The following ARHGAP18 variants were observed in gnomAD, a reference collection of about 807,000 sequenced individuals.
ARHGAP18 encodes Rho GTPase activating protein 18.
In ARHGAP18, 67 loss-of-function variants were observed where a neutral mutation model predicts 86.2. That is an observed-to-expected ratio of 0.78 (90% CI 0.64 to 0.95). ARHGAP18 has a LOEUF of 0.95. Ranked by LOEUF, ARHGAP18 falls within the 40% of genes least tolerant of loss-of-function variation. The probability of loss-of-function intolerance (pLI) is 0.00; values close to 1 mark genes in which losing one functional copy is unlikely to be tolerated. For synonymous variants in ARHGAP18, 283 were observed against 280.4 expected (o/e 1.01, Z -0.09); for missense variants, 691 against 780.4 (o/e 0.89, Z 1.37).
At chr6:129,671,529 T>A (rs1020057181) in intron 1 of ARHGAP18, among the ~76,000 whole-genome samples, 1 of 151,688 alleles carries the variant, frequency 6.6e-6, no homozygotes, top group African/African-American at 2.4e-5. Flanking sequence ...CAAGACCTCA[T>A]CTCTATAAAA....
intron 12 of ARHGAP18, among the ~76,000 whole-genome samples, chr6:129,588,866 C>CA (rs1402293831): frequency 3.3e-5 from 5 of 152,256 alleles, no homozygotes; most frequent in Non-Finnish European, 7.3e-5. Flanking sequence ...TGTGTACCTA[C>CA]AGACTAAACA....
chr6:129,705,777 C>T (rs1774793150), intron 1 of ARHGAP18, among the ~76,000 whole-genome samples: 1 of 152,172 alleles, frequency 6.6e-6, no homozygotes, highest in Non-Finnish European at 1.5e-5. Context: ...TGACAGAGGT[C>T]ATCCCACTCA....
intron 3 of ARHGAP18, 116 bp downstream of exon 3, chr6:129,638,278 G>T: frequency 9.8e-7 from 1 of 1,023,982 alleles, no homozygotes; most frequent in Non-Finnish European, 1.5e-6. Context: ...TAGAGCTTTG[G>T]TGCCTGGCAT....
intron 7 of ARHGAP18, 52 bp downstream of exon 7, chr6:129,616,160 A>C (rs1789093773): frequency 7.4e-7 from 1 of 1,352,886 alleles, no homozygotes; most frequent in East Asian, 2.3e-5. Flanking sequence ...TACAAAAACC[A>C]CTATTAGCTT....
intron 12 of ARHGAP18, among the ~76,000 whole-genome samples, chr6:129,594,607 C>A (rs1279976166): frequency 6.6e-6 from 1 of 152,158 alleles, no homozygotes; most frequent in Non-Finnish European, 1.5e-5. Context: ...CTGTAGCCGA[C>A]TCACACAGGC....
chr6:129,688,172 C>A (rs1391031994), intron 1 of ARHGAP18, among the ~76,000 whole-genome samples: 1 of 152,202 alleles, frequency 6.6e-6, no homozygotes, highest in Non-Finnish European at 1.5e-5. Context: ...AGAGCCACGT[C>A]AGCATCCTTA....
At chr6:129,599,522 A>C (rs1788693200) in intron 11 of ARHGAP18, among the ~76,000 whole-genome samples, 166 bp from the exon 12 acceptor site, 1 of 152,196 alleles carries the variant, frequency 6.6e-6, no homozygotes, top group Non-Finnish European at 1.5e-5. Flanking sequence ...AAAAGAAAAT[A>C]CTTCATATTA....
chr6:129,622,916 A>T (rs965890053), intron 5 of ARHGAP18, among the ~76,000 whole-genome samples: 1 of 149,920 alleles, frequency 6.7e-6, no homozygotes. Context: ...AAGGAGAATC[A>T]CTTGAGCCCA....
intron 1 of ARHGAP18, among the ~76,000 whole-genome samples, chr6:129,650,183 C>G (rs1198307976): frequency 6.6e-6 from 1 of 151,888 alleles, no homozygotes; most frequent in Non-Finnish European, 1.5e-5. Flanking sequence ...CTAGGCCTCC[C>G]AAAGTGCTGA....
At chr6:129,652,094 AC>A (rs1773725956) in intron 1 of ARHGAP18, among the ~76,000 whole-genome samples, 1 of 152,192 alleles carries the variant, frequency 6.6e-6, no homozygotes, top group Non-Finnish European at 1.5e-5. Flanking sequence ...TTTATAGGCC[AC>A]CTAGTTGATG....
chr6:129,605,999 T>C, intron 9 of ARHGAP18, 40 bp from the exon 10 acceptor site: 1 of 1,571,820 alleles, frequency 6.4e-7, no homozygotes, highest in Non-Finnish European at 8.7e-7. Flanking sequence ...TTTTCTTCAG[T>C]GAACATTTTC....
In ARHGAP18 at chr6:129,638,243, A is replaced by G; in HGVS notation, c.552+151T>C. 4.0e-6 allele frequency: 3 copies of G among 750,938 alleles called. No individual in the cohort carries two copies. The South Asian group carries it at 5.4e-5, about 13-fold the overall frequency. 46.5% of individuals were successfully genotyped at this position (750,938 alleles called of 1,614,324 possible). On this transcript the variant is annotated intron_variant, in intron 3 of 14. Transcript: ENST00000368149. ...TATAACTTCCAGAAAGGCAGGAAGCAAGTCTCTCTTGTTTCCTGCAAGCAT... is the reference window on the plus strand; with the variant it reads ...TATAACTTCCAGAAAGGCAGGAAGCGAGTCTCTCTTGTTTCCTGCAAGCAT...
In ARHGAP18 at chr6:129,637,720, C is replaced by A. The variant is rs1006016414; in HGVS notation, c.552+674G>T. 2.6e-5 allele frequency among the ~76,000 whole-genome samples: 4 copies of A among 152,190 alleles called. No individual in the cohort carries two copies. The East Asian group carries it at 7.7e-4, about 29-fold the overall frequency. On this transcript the variant is annotated intron_variant, in intron 3 of 14. Transcript: ENST00000368149. The stretch of plus-strand genomic sequence containing the variant: ...AACCAATCTCGCTGTTTCTGTACCT[C>A]ACTTCCATTTTCTGTAGATCACTTT...
Position 129,625,950 on chromosome 6 carries a change from ATATAT to A in ARHGAP18, c.786+3398_786+3402del, listed in dbSNP as rs1243280803. The stretch of plus-strand genomic sequence containing the variant: ...TTTATATATTATATATTATATATTT[ATATAT>A]TATATATTTATATATTATATATATT... On this transcript the variant is annotated intron_variant, in intron 5 of 14. Coordinates refer to ENST00000368149, the MANE Select transcript of ARHGAP18 (RefSeq NM_033515.3). Among the ~76,000 whole-genome samples, 3 of 61,110 alleles carry A rather than the reference ATATAT, an allele frequency of 4.9e-5. 1 individual carries two copies. Among genetic ancestry groups the A allele is most frequent in the Non-Finnish European group, 1.1e-4 (3 of 27,278 alleles). The allele number at this position is 61,110 out of a possible 152,430, so 40.1% of individuals were successfully genotyped here.
chr6:129,709,097 A>T (rs1426681645), intron 1 of ARHGAP18, among the ~76,000 whole-genome samples: 1 of 152,368 alleles, frequency 6.6e-6, no homozygotes, highest in African/African-American at 2.4e-5. Flanking sequence ...CATAAGTCAC[A>T]TAAGAACAAA....
intron 12 of ARHGAP18, among the ~76,000 whole-genome samples, chr6:129,587,756 T>C (rs1185894202): frequency 2.0e-5 from 3 of 152,214 alleles, no homozygotes; most frequent in Admixed American, 6.5e-5. Context: ...ATGGGGATTA[T>C]GGGAACTAGA....
intron 1 of ARHGAP18, among the ~76,000 whole-genome samples, chr6:129,678,318 A>T (rs1488041303): frequency 6.6e-6 from 1 of 152,222 alleles, no homozygotes; most frequent in Non-Finnish European, 1.5e-5. Flanking sequence ...GCAGTTCTCT[A>T]TTGATCTCTT....
At chr6:129,668,234 A>C (rs948140637) in intron 1 of ARHGAP18, among the ~76,000 whole-genome samples, 1 of 152,072 alleles carries the variant, frequency 6.6e-6, no homozygotes, top group Non-Finnish European at 1.5e-5. Context: ...TAAACCCACT[A>C]TTTCTGGCCA....
At chr6:129,605,207 A>G (rs1788828060) in intron 10 of ARHGAP18, among the ~76,000 whole-genome samples, 1 of 152,232 alleles carries the variant, frequency 6.6e-6, no homozygotes, top group African/African-American at 2.4e-5. Flanking sequence ...TGTTAAGGAA[A>G]ATAAATCAGT....
Sources: gnomAD v4.1 joint callset for allele counts (sites outside exome capture counted in the v4.1 genomes callset) on GRCh38, gnomAD v4.1.1 for gene constraint, MANE v1.5 for transcripts, NCBI Gene and HGNC (gene_info 2026-07-23, HGNC 2026-07-21) for gene names.